ERCC6L2: variants seen among roughly 807,000 people sequenced by gnomAD.
ERCC6L2 encodes the protein ERCC excision repair 6 like 2.
Under a neutral mutation model 132.0 loss-of-function variants are expected in ERCC6L2, and 77 were observed. That is an observed-to-expected ratio of 0.58 (90% CI 0.49 to 0.71). The LOEUF (loss-of-function observed/expected upper bound fraction) is 0.71. Ranked by LOEUF, ERCC6L2 falls within the 30% of genes least tolerant of loss-of-function variation. ERCC6L2 has a pLI of 0.00. For synonymous variants in ERCC6L2, 583 were observed against 632.4 expected, an observed-to-expected ratio of 0.92 and a Z score of 1.17; for missense variants, 1,542 against 1,837.6, an observed-to-expected ratio of 0.84 and a Z score of 2.94.
chr9:95,883,384 C>A (rs1249780678), intron 2 of ERCC6L2, among the ~76,000 whole-genome samples: 1 of 152,144 alleles, frequency 6.6e-6, no homozygotes, highest in Non-Finnish European at 1.5e-5. Context: ...AGGTCTTAGA[C>A]CGAACCCGTG....
chr9:95,979,856 CTT>C (rs1190328488), intron 17 of ERCC6L2, among the ~76,000 whole-genome samples: 1 of 152,086 alleles, frequency 6.6e-6, no homozygotes, highest in African/African-American at 2.4e-5. Flanking sequence ...ATATCAGAAT[CTT>C]TTAAACAGGT....
intron 13 of ERCC6L2, among the ~76,000 whole-genome samples, chr9:95,959,143 C>T (rs1161517494): frequency 6.6e-6 from 1 of 151,738 alleles, no homozygotes; most frequent in South Asian, 2.1e-4. Flanking sequence ...TACAAGGCTA[C>T]AGTAACCAAA....
At chr9:95,878,233 T>G (rs1406216437) in intron 1 of ERCC6L2, among the ~76,000 whole-genome samples, 1 of 152,182 alleles carries the variant, frequency 6.6e-6, no homozygotes. Context: ...TCTGGTTGCT[T>G]TTGCATTACA....
rs34128119 is a variant in ERCC6L2 at position 95,963,147 on chromosome 9, C to CTGTG, written c.1948-3385_1948-3382dup. ...TTTGGCATTCAGAAAGTCATCTCGT[C>CTGTG]TGTGTGTGTGTGTGTGTGTGTGTGT... On this transcript the variant is annotated intron_variant, in intron 13 of 18. Transcript: ENST00000653738. Among the ~76,000 whole-genome samples, 192 of 148,618 alleles carry CTGTG rather than the reference C, an allele frequency of 1.3e-3. 1 individual carries two copies. The highest frequency in any genetic ancestry group is 6.2e-3 in the East Asian group (31 of 5,014).
chr9:95,999,819 T>C (rs371683869), intron 17 of ERCC6L2, among the ~76,000 whole-genome samples: 1 of 152,146 alleles, frequency 6.6e-6, no homozygotes, highest in East Asian at 1.9e-4. Flanking sequence ...TGTTTTGTGA[T>C]AGTAAATAAA....
intron 1 of ERCC6L2, among the ~76,000 whole-genome samples, chr9:95,880,166 C>T (rs759984558): frequency 6.6e-6 from 1 of 152,074 alleles, no homozygotes; most frequent in Admixed American, 6.6e-5. Flanking sequence ...AGTAAATATT[C>T]AAAACCCGGA....
rs767745101 is a variant in ERCC6L2, at chr9:96,015,015, G to GTTTTTTTTTTTTTTTTTTTT, written c.*1818_*1837dup. On this transcript the variant is annotated 3_prime_UTR_variant, in exon 19 of 19. Transcript: ENST00000653738. ...GCTCTATAGTCTTCATATATGTACAGTTTTTTTTTTTTTTTTTTTTTTTTT... is the reference window on the plus strand; with the variant it reads ...GCTCTATAGTCTTCATATATGTACAGTTTTTTTTTTTTTTTTTTTTTTTTTTTTTTTTTTTTTTTTTTTTT... 4.6e-5 allele frequency among the ~76,000 whole-genome samples: 3 copies of GTTTTTTTTTTTTTTTTTTTT among 65,426 alleles called. 1 individual carries two copies. Among genetic ancestry groups the GTTTTTTTTTTTTTTTTTTTT allele is most frequent in the Admixed American group, 2.5e-4 (1 of 3,932 alleles). 42.9% of individuals were successfully genotyped at this position (65,426 alleles called of 152,430 possible). A position where few individuals can be genotyped will look rare whatever the true frequency, so the allele number is the denominator to read the frequency against.
At chr9:95,907,031 T>G (rs1241903357) in intron 3 of ERCC6L2, 47 bp from the exon 4 acceptor site, 1 of 1,380,180 alleles carries the variant, frequency 7.2e-7, no homozygotes, top group Non-Finnish European at 1.0e-6. Flanking sequence ...TTTGGGATTC[T>G]TTTTCAGTTT....
Position 95,966,626 on chromosome 9 carries a change from C to G in ERCC6L2, c.2012C>G (p.Ser671Cys). 1 of 1,546,754 alleles carries G rather than the reference C, an allele frequency of 6.5e-7. No homozygotes were observed. The part of the protein sequence containing the change: ...AKRYFEAVQG[S>C]KEHQGELFGI... ...CGATATTTTGAAGCAGTTCAAGGATCTAAAGAGCATCAAGGAGAGCTTTTT... is the reference window on the plus strand; with the variant it reads ...CGATATTTTGAAGCAGTTCAAGGATGTAAAGAGCATCAAGGAGAGCTTTTT... The change falls in exon 14 of 19, where the codon TCT (serine) becomes TGT (cysteine). Residue 671 changes from serine to cysteine, a missense_variant. Physicochemically the swap from Ser to Cys is moderately radical, Grantham distance 112 (BLOSUM62 -1). This residue lies in a region of ERCC6L2 where 945 missense variants were observed against 1,105.2 expected (regional missense o/e 0.86). Coordinates refer to ENST00000653738, the MANE Select transcript of ERCC6L2 (RefSeq NM_020207.7).
intron 11 of ERCC6L2, among the ~76,000 whole-genome samples, chr9:95,936,080 G>A (rs903780842): frequency 5.3e-5 from 8 of 152,076 alleles, no homozygotes; most frequent in African/African-American, 1.9e-4. Context: ...CTCTGAAAAG[G>A]GCAGTGGTAA....
At chr9:95,902,186 G>T (rs1015869025) in intron 3 of ERCC6L2, among the ~76,000 whole-genome samples, 8 of 152,060 alleles carry the variant, frequency 5.3e-5, no homozygotes, top group Non-Finnish European at 1.0e-4. Flanking sequence ...TTTGTGCCAA[G>T]AATAAATTCT....
At position 95,978,118 on chromosome 9, in the gene ERCC6L2, A is replaced by G. The variant is rs1481702029; in HGVS notation, c.3395A>G (p.Lys1132Arg). Residue 1132 changes from lysine to arginine, a missense_variant, in exon 17 of 19, where the codon AAA (lysine) becomes AGA (arginine). By Grantham distance (26) the Lys-to-Arg change is conservative. Coordinates refer to ENST00000653738, the MANE Select transcript of ERCC6L2 (RefSeq NM_020207.7). The stretch of plus-strand genomic sequence containing the variant: ...AACCAGAATGTAATTGGATCGAGCA[A>G]AGCTGAAAATCACATGAGCCGATGG... ...HSNQNVIGSS[K>R]AENHMSRWAA... 3 of 1,367,396 alleles carry G rather than the reference A, an allele frequency of 2.2e-6. No individual in the cohort carries two copies. The highest frequency in any genetic ancestry group is 2.9e-6 in the Non-Finnish European group (3 of 1,021,794). 84.7% of individuals were successfully genotyped at this position (1,367,396 alleles called of 1,614,324 possible).
At chr9:96,026,642 AAC>A (rs1235328599) in intron 19 of ERCC6L2, among the ~76,000 whole-genome samples, 1 of 138,480 alleles carries the variant, frequency 7.2e-6, no homozygotes, top group Non-Finnish European at 1.6e-5. Flanking sequence ...CACACACACA[AAC>A]ACACCACACA....
intron 18 of ERCC6L2, among the ~76,000 whole-genome samples, chr9:96,006,298 C>T (rs772731867): frequency 1.3e-5 from 2 of 152,166 alleles, no homozygotes; most frequent in Admixed American, 1.3e-4. Flanking sequence ...TCCTGAAGTG[C>T]AGGAGTAGCG....
chr9:95,940,394 G>A (rs528985083), intron 11 of ERCC6L2, among the ~76,000 whole-genome samples: 3 of 152,194 alleles, frequency 2.0e-5, no homozygotes, highest in Non-Finnish European at 4.4e-5. Context: ...AACAGCTTGG[G>A]ATATGTTAAG....
rs1832459254 is a variant in ERCC6L2, at chr9:95,972,452, A to G, written c.2701A>G (p.Ser901Gly). 2.3e-6 allele frequency: 3 copies of G among 1,283,282 alleles called. No individual in the cohort carries two copies. The highest frequency in any genetic ancestry group is 1.3e-5 in the South Asian group (1 of 78,668). 79.5% of individuals were successfully genotyped at this position (1,283,282 alleles called of 1,614,324 possible). A position where few individuals can be genotyped will look rare whatever the true frequency, so the allele number is the denominator to read the frequency against. Reference protein sequence around the residue: ...ILQNVTESEDSDVICPTQYTT... With the variant: ...ILQNVTESEDGDVICPTQYTT... Reference sequence around the variant, plus strand: ...ACAGAATGTCACAGAATCAGAAGATAGTGATGTCATCTGTCCTACACAATA... The same window carrying G: ...ACAGAATGTCACAGAATCAGAAGATGGTGATGTCATCTGTCCTACACAATA... Residue 901 changes from serine (S) to glycine (G), a missense_variant, in exon 16 of 19, where the codon AGT (serine) becomes GGT (glycine). This residue lies in a region of ERCC6L2 where 945 missense variants were observed against 1,105.2 expected (regional missense o/e 0.86). Transcript: ENST00000653738.
chr9:95,984,836 C>T (rs1833035992), intron 17 of ERCC6L2, among the ~76,000 whole-genome samples: 1 of 152,134 alleles, frequency 6.6e-6, no homozygotes, highest in Admixed American at 6.5e-5. Flanking sequence ...ATGATTTATT[C>T]CATGAACAAC....
At chr9:95,987,134 T>C (rs1229523487) in intron 17 of ERCC6L2, among the ~76,000 whole-genome samples, 2 of 152,094 alleles carry the variant, frequency 1.3e-5, no homozygotes, top group South Asian at 2.1e-4. Flanking sequence ...TTATGGGAGC[T>C]ACAATTCAAG....
chr9:95,877,834 A>G (rs944539901), intron 1 of ERCC6L2, among the ~76,000 whole-genome samples: 4 of 152,062 alleles, frequency 2.6e-5, no homozygotes, highest in African/African-American at 9.7e-5. Flanking sequence ...AAGAATGTGT[A>G]ATAAATTCGC....
Sources: allele counts gnomAD v4.1 joint callset (sites outside exome capture counted in the v4.1 genomes callset), GRCh38; gene constraint gnomAD v4.1.1; regional missense constraint gnomAD v4.1.1; transcripts MANE v1.5; gene names NCBI Gene and HGNC (gene_info 2026-07-23, HGNC 2026-07-21).